The following ST6GAL1 variants were observed in gnomAD, a reference collection of about 807,000 sequenced individuals.
ST6GAL1 encodes the protein beta-galactoside alpha-2,6-sialyltransferase 1.
ST6GAL1 carries 20 observed loss-of-function variants against 38.0 expected under a neutral mutation model. The ratio of observed to expected loss-of-function variants is 0.53; its 90% CI spans 0.37 to 0.77. ST6GAL1 has a LOEUF of 0.77. Ranked by LOEUF, ST6GAL1 falls within the 30% of genes least tolerant of loss-of-function variation. The pLI, the probability that ST6GAL1 is intolerant of heterozygous loss-of-function variation, is 0.00. For missense variants in ST6GAL1, 432 were observed against 496.4 expected, an observed-to-expected ratio of 0.87 and a Z score of 1.23; for synonymous variants, 196 against 188.2, an observed-to-expected ratio of 1.04 and a Z score of -0.34.
intron 4 of ST6GAL1, among the ~76,000 whole-genome samples, chr3:187,048,195 G>A (rs937383718): frequency 6.6e-6 from 1 of 152,046 alleles, no homozygotes; most frequent in African/African-American, 2.4e-5. Context: ...TGCCCACCTT[G>A]GCCTCCCAAA....
chr3:186,967,284 T>G (rs1043018984), intron 2 of ST6GAL1, among the ~76,000 whole-genome samples: 2 of 152,206 alleles, frequency 1.3e-5, no homozygotes, highest in Non-Finnish European at 2.9e-5. Context: ...CTCCGCCTCC[T>G]GGGTTCAAGC....
At chr3:187,059,039 T>C (rs1178614519) in intron 5 of ST6GAL1, among the ~76,000 whole-genome samples, 1 of 152,052 alleles carries the variant, frequency 6.6e-6, no homozygotes, top group African/African-American at 2.4e-5. Context: ...CTTTGAAAGA[T>C]GGGCAGGACT....
chr3:186,968,641 T>C (rs1369346561), intron 2 of ST6GAL1, among the ~76,000 whole-genome samples: 2 of 149,100 alleles, frequency 1.3e-5, no homozygotes, highest in African/African-American at 2.5e-5. Flanking sequence ...ACAGCATGCA[T>C]TTTTTTTTCA....
At chr3:187,022,004 T>A (rs1717324698) in intron 2 of ST6GAL1, 1 of 152,052 alleles carries the variant, frequency 6.6e-6, no homozygotes, top group African/African-American at 2.4e-5. Flanking sequence ...AACCAGTAAA[T>A]GTAAGTAGGG....
At chr3:187,054,942 G>T (rs9814687) in intron 5 of ST6GAL1, among the ~76,000 whole-genome samples, 13,186 of 152,044 alleles carry the variant, frequency 0.087, 1,926 homozygotes, top group African/African-American at 0.3. Context: ...TTTTTTGGTT[G>T]GTTAGGCTAT....
intron 1 of ST6GAL1, among the ~76,000 whole-genome samples, chr3:186,933,467 C>CTA (rs773446215): frequency 3.9e-5 from 6 of 152,228 alleles, no homozygotes; most frequent in Admixed American, 6.5e-5. Flanking sequence ...CGGGTACAAG[C>CTA]TATAATACAG....
At chr3:186,997,705 C>T (rs1034077822) in intron 2 of ST6GAL1, among the ~76,000 whole-genome samples, 14 of 151,120 alleles carry the variant, frequency 9.3e-5, no homozygotes, top group African/African-American at 3.2e-4. Flanking sequence ...TGCAGTGAGC[C>T]GCAACGGAAT....
At chr3:187,061,338 C>T (rs1353784202) in intron 5 of ST6GAL1, among the ~76,000 whole-genome samples, 1 of 152,022 alleles carries the variant, frequency 6.6e-6, no homozygotes, top group Non-Finnish European at 1.5e-5. Context: ...TTGTGAAAAT[C>T]CAAAAGATAT....
At chr3:186,974,092 A>G (rs1053133496) in intron 2 of ST6GAL1, among the ~76,000 whole-genome samples, 1 of 152,198 alleles carries the variant, frequency 6.6e-6, no homozygotes, top group African/African-American at 2.4e-5. Flanking sequence ...TTCCTCGGGA[A>G]AGTGATTTCA....
intron 2 of ST6GAL1, among the ~76,000 whole-genome samples, chr3:187,009,230 T>TA (rs1234887046): frequency 3.3e-5 from 5 of 152,216 alleles, no homozygotes; most frequent in East Asian, 3.9e-4. Context: ...AGTCAATAAT[T>TA]AAAAAAACTT....
At chr3:187,064,204 T>G (rs1265833495) in intron 5 of ST6GAL1, among the ~76,000 whole-genome samples, 1 of 152,184 alleles carries the variant, frequency 6.6e-6, no homozygotes, top group Non-Finnish European at 1.5e-5. Context: ...GAATTCATCA[T>G]GAAGATTTTA....
chr3:187,066,686 G>A (rs985588791), intron 5 of ST6GAL1, among the ~76,000 whole-genome samples: 1 of 151,964 alleles, frequency 6.6e-6, no homozygotes, highest in Non-Finnish European at 1.5e-5. Context: ...CTTTCTAACT[G>A]AGAAGGTTAC....
chr3:186,941,614 T>C (rs1241673589), intron 1 of ST6GAL1, among the ~76,000 whole-genome samples: 1 of 151,844 alleles, frequency 6.6e-6, no homozygotes, highest in East Asian at 1.9e-4. Context: ...GGGAAAGAGT[T>C]GCAGGAAAAC....
intron 2 of ST6GAL1, among the ~76,000 whole-genome samples, chr3:186,973,641 C>T (rs1715426695): frequency 6.6e-6 from 1 of 152,164 alleles, no homozygotes; most frequent in Non-Finnish European, 1.5e-5. Flanking sequence ...ATAATAATAG[C>T]TGGTTTGTAG....
rs114831373 is a variant in ST6GAL1 at position 186,965,701 on chromosome 3, G to A, written c.-183+1775G>A. Among the ~76,000 whole-genome samples the A allele has an allele frequency of 4.3e-3, 648 of 152,290 alleles. 3 individuals carry two copies. The highest frequency in any genetic ancestry group is 0.015 in the African/African-American group (628 of 41,554). ...GTGGAGGATGGAGCACTGCTCAGGAGGCCGCCTCCTCACAGAGCTTACATA... is the reference window on the plus strand; with the variant it reads ...GTGGAGGATGGAGCACTGCTCAGGAAGCCGCCTCCTCACAGAGCTTACATA... On this transcript the variant is annotated intron_variant, in intron 2 of 7. Coordinates refer to ENST00000169298, the MANE Select transcript of ST6GAL1 (RefSeq NM_173216.2).
chr3:187,042,583 C>T, intron 3 of ST6GAL1, 71 bp from the exon 4 acceptor site: 1 of 1,383,210 alleles, frequency 7.2e-7, no homozygotes, highest in Non-Finnish European at 9.8e-7. Flanking sequence ...TTGCTCAGTC[C>T]ATCGCTCCGC....
In ST6GAL1 at chr3:186,973,196, C is replaced by T. The variant is rs572401584; in HGVS notation, c.-183+9270C>T. On this transcript the variant is annotated intron_variant, in intron 2 of 7. Transcript: ENST00000169298. Reference sequence around the variant, plus strand: ...GATTGCAGGCGCCCGCCATCATGCCCAGCTAATTTTTATATTTTTAGTAGA... The same window carrying T: ...GATTGCAGGCGCCCGCCATCATGCCTAGCTAATTTTTATATTTTTAGTAGA... Among the ~76,000 whole-genome samples, 266 of 152,210 alleles carry T rather than the reference C, an allele frequency of 1.7e-3. 1 individual carries two copies. The highest frequency in any genetic ancestry group is 3.0e-3 in the Non-Finnish European group (204 of 68,010).
At chr3:187,053,859 G>A (rs1192755905) in intron 5 of ST6GAL1, among the ~76,000 whole-genome samples, 1 of 152,136 alleles carries the variant, frequency 6.6e-6, no homozygotes, top group Non-Finnish European at 1.5e-5. Context: ...GCTTGATGGG[G>A]ATGGCATTGA....
chr3:187,056,482 T>C (rs1718706119), intron 5 of ST6GAL1, among the ~76,000 whole-genome samples: 1 of 152,210 alleles, frequency 6.6e-6, no homozygotes. Flanking sequence ...CAGGAGCTCT[T>C]GTAAGGCAGG....
Sources: allele counts gnomAD v4.1 joint callset (sites outside exome capture counted in the v4.1 genomes callset), GRCh38; gene constraint gnomAD v4.1.1; transcripts MANE v1.5; gene names NCBI Gene and HGNC (gene_info 2026-07-23, HGNC 2026-07-21).